MOXD1: variants seen among roughly 807,000 people sequenced by gnomAD.
MOXD1 encodes DBH-like monooxygenase protein 1.
MOXD1 carries 62 observed loss-of-function variants against 66.6 expected under a neutral mutation model. That is an observed-to-expected ratio of 0.93 (90% CI 0.76 to 1.15). The LOEUF is 1.15. Among genes scored for constraint, MOXD1 ranks in the 50% most tolerant of loss-of-function variants. The pLI, the probability that MOXD1 is intolerant of heterozygous loss-of-function variation, is 0.00. For missense variants in MOXD1, 847 were observed against 754.6 expected (o/e 1.12, Z -1.44); for synonymous variants, 303 against 281.9 (o/e 1.07, Z -0.75).
chr6:132,341,088 T>C (rs1010331703), intron 4 of MOXD1, among the ~76,000 whole-genome samples: 1 of 152,240 alleles, frequency 6.6e-6, no homozygotes. Flanking sequence ...TGGATGTTGC[T>C]ATTGGTCTGA....
Position 132,297,773 on chromosome 6 carries a change from T to C in MOXD1, c.1677+14A>G. 5.7e-6 allele frequency: 9 copies of C among 1,580,838 alleles called. No individual in the cohort carries two copies. The highest frequency in any genetic ancestry group is 6.8e-6 in the Non-Finnish European group (8 of 1,168,814). ...ATGTGTCATCTGGGTTGTCAGAGGTTAAAAAGAGCTTACCGACCACTCAGC... is the reference window on the plus strand; with the variant it reads ...ATGTGTCATCTGGGTTGTCAGAGGTCAAAAAGAGCTTACCGACCACTCAGC... On this transcript the variant is annotated intron_variant, in intron 11 of 11. Transcript: ENST00000367963.
chr6:132,381,268 G>A (rs1300291894), intron 1 of MOXD1, among the ~76,000 whole-genome samples: 2 of 152,144 alleles, frequency 1.3e-5, no homozygotes, highest in African/African-American at 2.4e-5. Flanking sequence ...CAGCTTTGTG[G>A]TATAGAAATA....
At position 132,328,410 on chromosome 6, in the gene MOXD1, C is replaced by T. The variant is rs764092444; in HGVS notation, c.843+5G>A. The T allele has an allele frequency of 3.1e-6, 5 of 1,613,722 alleles. No homozygotes were observed. The East Asian group carries it at 1.1e-4, about 36-fold the overall frequency. On this transcript the variant is annotated splice_donor_5th_base_variant and intron_variant, in intron 5 of 11. Coordinates refer to ENST00000367963, the MANE Select transcript of MOXD1 (RefSeq NM_015529.4). Reference sequence around the variant, plus strand: ...GTGTTACATCTCAGTAATCATTAGCCCCACCTCTCCACCAATAGCCCAGGC... The same window carrying T: ...GTGTTACATCTCAGTAATCATTAGCTCCACCTCTCCACCAATAGCCCAGGC...
chr6:132,327,891 C>A lies in MOXD1; in HGVS notation c.946+122G>T, dbSNP rs537877252. ...TTAAAAAGTATCCTAATTTGAATGACAAATATATAGGTTAATTCCTTCTAA... is the reference window on the plus strand; with the variant it reads ...TTAAAAAGTATCCTAATTTGAATGAAAAATATATAGGTTAATTCCTTCTAA... On this transcript the variant is annotated intron_variant, in intron 6 of 11. Coordinates refer to ENST00000367963, the MANE Select transcript of MOXD1 (RefSeq NM_015529.4). 27 of 708,136 alleles carry A rather than the reference C, an allele frequency of 3.8e-5. No homozygotes were observed. In the African/African-American group the frequency reaches 4.7e-4, roughly 12 times the overall value. The allele number at this position is 708,136 out of a possible 1,614,324, so 43.9% of individuals were successfully genotyped here.
intron 1 of MOXD1, among the ~76,000 whole-genome samples, chr6:132,398,771 C>T (rs976923660): frequency 4.0e-5 from 6 of 151,320 alleles, no homozygotes; most frequent in Non-Finnish European, 7.4e-5. Context: ...GAAACCCGGT[C>T]CCTACTAAAA....
chr6:132,354,647 G>A (rs1358514006), intron 4 of MOXD1, among the ~76,000 whole-genome samples: 2 of 152,210 alleles, frequency 1.3e-5, no homozygotes, highest in African/African-American at 4.8e-5. Flanking sequence ...CCAGGAGGTG[G>A]CACTTTCCAG....
chr6:132,345,844 T>C (rs1775658631), intron 4 of MOXD1, among the ~76,000 whole-genome samples: 1 of 152,086 alleles, frequency 6.6e-6, no homozygotes, highest in Admixed American at 6.6e-5. Flanking sequence ...AAATCTGCTG[T>C]CAAGATTGAC....
chr6:132,392,338 C>T (rs532860714), intron 1 of MOXD1: 3 of 1,560,132 alleles, frequency 1.9e-6, no homozygotes, highest in Non-Finnish European at 2.6e-6. Flanking sequence ...CCTCCATTCA[C>T]CAGCGATTTA....
intron 4 of MOXD1, among the ~76,000 whole-genome samples, chr6:132,331,041 C>A (rs1263727347): frequency 6.6e-6 from 1 of 152,166 alleles, no homozygotes; most frequent in Non-Finnish European, 1.5e-5. Flanking sequence ...AGAAACTTTT[C>A]TATTTTGCTT....
rs535061970 is a variant in MOXD1 at position 132,311,439 on chromosome 6, G to A, written c.1508+4196C>T. 3.5e-3 allele frequency among the ~76,000 whole-genome samples: 529 copies of A among 151,472 alleles called. 2 individuals are homozygous for A. The highest frequency in any genetic ancestry group is 0.012 in the African/African-American group (502 of 41,396). ...TTATAATATAAATAATAAATACTTG[G>A]TGGTTTAGAAAGCAGAAGTGGGAAA... On this transcript the variant is annotated intron_variant, in intron 10 of 11. Coordinates refer to ENST00000367963, the MANE Select transcript of MOXD1 (RefSeq NM_015529.4).
chr6:132,381,548 G>GA (rs920070609), intron 1 of MOXD1, among the ~76,000 whole-genome samples: 5 of 149,554 alleles, frequency 3.3e-5, no homozygotes, highest in Admixed American at 6.6e-5. Context: ...AATAGAAGGA[G>GA]AAAAAAAAAG....
At chr6:132,308,661 A>G (rs140567512) in intron 10 of MOXD1, among the ~76,000 whole-genome samples, 1,557 of 152,148 alleles carry the variant, frequency 0.01, 13 homozygotes, top group Non-Finnish European at 0.016. Flanking sequence ...ACATCAAAAA[A>G]CTTATCCACC....
At chr6:132,333,696 CTA>C (rs1242106635) in intron 4 of MOXD1, among the ~76,000 whole-genome samples, 3 of 152,198 alleles carry the variant, frequency 2.0e-5, no homozygotes, top group African/African-American at 4.8e-5. Context: ...TGACATCAAA[CTA>C]TGTTATTGAT....
chr6:132,332,994 T>C (rs1225510040), intron 4 of MOXD1, among the ~76,000 whole-genome samples: 1 of 152,160 alleles, frequency 6.6e-6, no homozygotes, highest in Non-Finnish European at 1.5e-5. Flanking sequence ...GTTTTTGCAT[T>C]ATTATATTAC....
chr6:132,400,887 G>A (rs1243253663), intron 1 of MOXD1, among the ~76,000 whole-genome samples: 46 of 152,166 alleles, frequency 3.0e-4, no homozygotes, highest in Admixed American at 2.6e-3. Flanking sequence ...GTAGGCGGGG[G>A]GGCGTCTATT....
intron 10 of MOXD1, among the ~76,000 whole-genome samples, chr6:132,299,607 C>T (rs1181681871): frequency 6.6e-6 from 1 of 152,080 alleles, no homozygotes; most frequent in Non-Finnish European, 1.5e-5. Context: ...AAGTGAATGA[C>T]ATAACTTGCT....
At chr6:132,303,671 T>C (rs1295266462) in intron 10 of MOXD1, among the ~76,000 whole-genome samples, 112 of 146,248 alleles carry the variant, frequency 7.7e-4, no homozygotes, top group Non-Finnish European at 1.9e-4. Flanking sequence ...AGAATCCATG[T>C]TCTGCATCTG....
intron 4 of MOXD1, among the ~76,000 whole-genome samples, chr6:132,345,906 T>C (rs1337569570): frequency 6.6e-6 from 1 of 151,994 alleles, no homozygotes; most frequent in East Asian, 1.9e-4. Context: ...ACCAGTTACA[T>C]CTCCTGATGG....
chr6:132,331,007 TA>T (rs1775305608), intron 4 of MOXD1, among the ~76,000 whole-genome samples: 3 of 152,218 alleles, frequency 2.0e-5, no homozygotes, highest in African/African-American at 7.2e-5. Flanking sequence ...GTTTTGTCTC[TA>T]AAAGGTCGTG....
Sources: gnomAD v4.1 joint callset for allele counts (sites outside exome capture counted in the v4.1 genomes callset) on GRCh38, gnomAD v4.1.1 for gene constraint, MANE v1.5 for transcripts, NCBI Gene and HGNC (gene_info 2026-07-23, HGNC 2026-07-21) for gene names.